The following NCKAP5 variants were observed in gnomAD, a reference collection of about 807,000 sequenced individuals.
NCKAP5 encodes the protein nck-associated protein 5.
Under a neutral mutation model 167.0 loss-of-function variants are expected in NCKAP5, and 92 were observed. The ratio of observed to expected loss-of-function variants is 0.55; its 90% CI spans 0.47 to 0.66. The LOEUF is 0.66. Among genes scored for constraint, NCKAP5 ranks in the 30% least tolerant of loss-of-function variants. NCKAP5 has a pLI of 0.00. For missense variants in NCKAP5, 2,378 were observed against 2,315.0 expected (o/e 1.03, Z -0.56); for synonymous variants, 891 against 877.4 (o/e 1.02, Z -0.27).
intron 5 of NCKAP5, among the ~76,000 whole-genome samples, chr2:133,197,195 G>T (rs978220973): frequency 1.6e-4 from 24 of 152,286 alleles, no homozygotes; most frequent in African/African-American, 5.3e-4. Context: ...ATAAAGTCGT[G>T]CATGAAGTAC....
At chr2:133,470,344 C>T (rs941743170) in intron 3 of NCKAP5, among the ~76,000 whole-genome samples, 1 of 152,150 alleles carries the variant, frequency 6.6e-6, no homozygotes, top group African/African-American at 2.4e-5. Context: ...GTCAGGGACC[C>T]ACTTGAGGAG....
intron 19 of NCKAP5, among the ~76,000 whole-genome samples, chr2:132,707,687 G>A (rs1020119284): frequency 2.0e-5 from 3 of 152,224 alleles, no homozygotes; most frequent in Non-Finnish European, 4.4e-5. Flanking sequence ...TCTTCATGTT[G>A]TTTAAATGTC....
At chr2:132,942,730 A>C (rs1009635446) in intron 8 of NCKAP5, among the ~76,000 whole-genome samples, 1 of 152,138 alleles carries the variant, frequency 6.6e-6, no homozygotes, top group African/African-American at 2.4e-5. Flanking sequence ...TGACATGACC[A>C]CTCAGGTATT....
At chr2:133,103,990 T>TA (rs398104726) in intron 6 of NCKAP5, among the ~76,000 whole-genome samples, 1 of 151,978 alleles carries the variant, frequency 6.6e-6, no homozygotes, top group African/African-American at 2.4e-5. Flanking sequence ...CTTTTTTTTT[T>TA]ATCATGTCCT....
chr2:133,564,527 G>T, intron 1 of NCKAP5, among the ~76,000 whole-genome samples: 1 of 152,178 alleles, frequency 6.6e-6, no homozygotes, highest in East Asian at 1.9e-4. Context: ...GGCAGCAGCG[G>T]AAGGTAAAGA....
intron 11 of NCKAP5, among the ~76,000 whole-genome samples, chr2:132,826,038 T>G (rs976223016): frequency 6.6e-6 from 1 of 152,234 alleles, no homozygotes; most frequent in Non-Finnish European, 1.5e-5. Flanking sequence ...GCTTTACTTC[T>G]GTGGAGTTTT....
chr2:133,654,517 C>T, the NCKAP5 span, among the ~76,000 whole-genome samples: 1 of 152,192 alleles, frequency 6.6e-6, no homozygotes, highest in Non-Finnish European at 1.5e-5. Context: ...TTCTGCTTTG[C>T]ACCAAAGGCT....
At position 133,431,462 on chromosome 2, in the gene NCKAP5, A is replaced by G. The variant is rs373641813; in HGVS notation, c.69+85996T>C. On this transcript the variant is annotated intron_variant, in intron 3 of 19. Transcript: ENST00000409261. ...ACCGTTTCCAAGGTATACAGCTTGG[A>G]GGCCCTGAAGGCTTTTTCTTTGATG... is the stretch of plus-strand genomic sequence containing the variant. Among the ~76,000 whole-genome samples the G allele has an allele frequency of 9.9e-5, 15 of 152,174 alleles. No homozygotes were observed. The East Asian group carries it at 1.3e-3, about 14-fold the overall frequency.
In NCKAP5 at chr2:132,784,692, C is replaced by T. The variant is rs1459320662; in HGVS notation, c.2119G>A (p.Ala707Thr). The change falls in exon 14 of 20, where the codon GCA (alanine) becomes ACA (threonine). Residue 707 changes from alanine to threonine, a missense_variant. This residue lies in a region of NCKAP5 where 1,049 missense variants were observed against 1,023.4 expected (regional missense o/e 1.02). Transcript: ENST00000409261. The stretch of plus-strand genomic sequence containing the variant: ...TGAGGTAAAAGCTCAGTATGTTCTG[C>T]CTTGGGTCCAGCAGGAGTTGAATTG... ...SINSTPAGPK[A>T]EHTELLPQGI... 9 of 1,613,862 alleles carry T rather than the reference C, an allele frequency of 5.6e-6. No individual in the cohort carries two copies. Among genetic ancestry groups the T allele is most frequent in the African/African-American group, 2.7e-5 (2 of 74,928 alleles).
At chr2:133,281,988 C>T (rs1441085310) in intron 4 of NCKAP5, among the ~76,000 whole-genome samples, 1 of 152,162 alleles carries the variant, frequency 6.6e-6, no homozygotes, top group African/African-American at 2.4e-5. Flanking sequence ...TGACCCCATC[C>T]ATCCTCAGAG....
At chr2:133,388,420 C>A (rs1326325897) in intron 3 of NCKAP5, among the ~76,000 whole-genome samples, 3 of 152,176 alleles carry the variant, frequency 2.0e-5, no homozygotes, top group Non-Finnish European at 4.4e-5. Context: ...CAGAGGGGTA[C>A]CCGGCCGTGT....
intron 3 of NCKAP5, among the ~76,000 whole-genome samples, chr2:133,516,956 GGTT>G (rs1558746548): frequency 6.6e-6 from 1 of 152,108 alleles, no homozygotes; most frequent in African/African-American, 2.4e-5. Context: ...AACCCAACCA[GGTT>G]GTTAAGAATA....
intron 6 of NCKAP5, among the ~76,000 whole-genome samples, chr2:133,003,076 C>T (rs991402021): frequency 2.0e-5 from 3 of 152,230 alleles, no homozygotes; most frequent in Admixed American, 1.3e-4. Context: ...AGCTAATTAG[C>T]TATGGTGTTT....
At chr2:133,657,240 C>T in the NCKAP5 span, among the ~76,000 whole-genome samples, 81 of 152,312 alleles carry the variant, frequency 5.3e-4, no homozygotes, top group Non-Finnish European at 9.7e-4. Context: ...CTTCCCCTCA[C>T]CCATCTTGCC....
intron 3 of NCKAP5, among the ~76,000 whole-genome samples, chr2:133,367,892 G>C (rs1305344700): frequency 2.6e-5 from 4 of 152,140 alleles, no homozygotes. Flanking sequence ...AGAGCTTTTT[G>C]GATGTTAGGA....
At chr2:132,709,438 T>G (rs1420606439) in intron 19 of NCKAP5, among the ~76,000 whole-genome samples, 1 of 151,868 alleles carries the variant, frequency 6.6e-6, no homozygotes, top group African/African-American at 2.4e-5. Context: ...AAGACAAAAT[T>G]GGCAAACCAC....
intron 6 of NCKAP5, among the ~76,000 whole-genome samples, chr2:133,075,161 C>T (rs79919379): frequency 0.093 from 14,196 of 152,058 alleles, 1,040 homozygotes; most frequent in African/African-American, 0.2. Flanking sequence ...ATTTGAATAC[C>T]TTTAGATTTC....
intron 3 of NCKAP5, among the ~76,000 whole-genome samples, chr2:133,363,056 G>A (rs1685226526): frequency 6.6e-6 from 1 of 151,880 alleles, no homozygotes; most frequent in South Asian, 2.1e-4. Flanking sequence ...GTGAGCCACC[G>A]TGCCCAGCCA....
At chr2:132,794,646 AATAC>A (rs1161008122) in intron 12 of NCKAP5, among the ~76,000 whole-genome samples, 1 of 39,670 alleles carries the variant, frequency 2.5e-5, no homozygotes, top group African/African-American at 1.1e-4. Flanking sequence ...AACAACAACA[AATAC>A]ACACACACAC....
Sources: gnomAD v4.1 joint callset for allele counts (sites outside exome capture counted in the v4.1 genomes callset) on GRCh38, gnomAD v4.1.1 for gene constraint, gnomAD v4.1.1 regional missense constraint, MANE v1.5 for transcripts, NCBI Gene and HGNC (gene_info 2026-07-23, HGNC 2026-07-21) for gene names.